The following VPS13A variants were observed in gnomAD, a reference collection of about 807,000 sequenced individuals.
VPS13A encodes intermembrane lipid transfer protein VPS13A.
VPS13A carries 264 observed loss-of-function variants against 390.9 expected under a neutral mutation model. The observed-to-expected ratio is 0.68, with a 90% confidence interval of 0.61 to 0.75. The LOEUF is 0.75. VPS13A is among the 30% of genes least tolerant of loss of function. The probability of loss-of-function intolerance (pLI) is 0.00; values close to 1 mark genes in which losing one functional copy is unlikely to be tolerated. For missense variants in VPS13A, 3,409 were observed against 3,733.9 expected (o/e 0.91, Z 2.27); for synonymous variants, 1,231 against 1,227.1 (o/e 1.00, Z -0.07).
intron 26 of VPS13A, among the ~76,000 whole-genome samples, chr9:77,276,770 G>A (rs910210097): frequency 3.3e-5 from 5 of 152,110 alleles, no homozygotes; most frequent in Admixed American, 6.5e-5. Context: ...TTTTTTGCAC[G>A]TAGCTGCTAA....
At chr9:77,324,234 CA>C (rs1350111094) in intron 45 of VPS13A, among the ~76,000 whole-genome samples, 1 of 151,736 alleles carries the variant, frequency 6.6e-6, no homozygotes, top group Non-Finnish European at 1.5e-5. Context: ...CAAATGAAGA[CA>C]TTTTTACTTT....
intron 13 of VPS13A, among the ~76,000 whole-genome samples, chr9:77,223,182 CTT>C (rs1442990457): frequency 6.6e-6 from 1 of 152,144 alleles, no homozygotes; most frequent in Non-Finnish European, 1.5e-5. Context: ...ACACAGCAAA[CTT>C]AATAAATGTT....
chr9:77,397,144 C>T (rs1834149619), intron 68 of VPS13A, among the ~76,000 whole-genome samples: 1 of 152,120 alleles, frequency 6.6e-6, no homozygotes, highest in Admixed American at 6.6e-5. Context: ...CTCCTGCCAC[C>T]ACAACCAGTT....
chr9:77,353,379 T>G (rs370955076), intron 53 of VPS13A, 30 bp from the exon 54 acceptor site: 9 of 1,291,840 alleles, frequency 7.0e-6, no homozygotes, highest in East Asian at 2.7e-5. Flanking sequence ...ATTTTTTGGT[T>G]TTTTTTTTTT....
At chr9:77,362,916 C>T (rs751292498) in intron 59 of VPS13A, among the ~76,000 whole-genome samples, 5 of 151,688 alleles carry the variant, frequency 3.3e-5, no homozygotes, top group Non-Finnish European at 5.9e-5. Flanking sequence ...TTGGATTGTT[C>T]ATTGCTACTG....
chr9:77,215,914 C>T (rs1822837067), intron 10 of VPS13A, among the ~76,000 whole-genome samples: 1 of 152,156 alleles, frequency 6.6e-6, no homozygotes, highest in African/African-American at 2.4e-5. Flanking sequence ...TAGCAAGGTG[C>T]TGGGGGAAGT....
At position 77,293,528 on chromosome 9, in the gene VPS13A, ATTAT is replaced by A. The variant is rs769582920; in HGVS notation, c.3507+27_3507+30del. On this transcript the variant is annotated intron_variant, in intron 32 of 71. Transcript: ENST00000360280. Reference sequence around the variant, plus strand: ...ATATTGGTAAGTATTTTATTAAATTATTATTTATTTTATACTAATTGGAAATTGC... The same window carrying A: ...ATATTGGTAAGTATTTTATTAAATTATTATTTTATACTAATTGGAAATTGC... 1 of 1,337,892 alleles carries A rather than the reference ATTAT, an allele frequency of 7.5e-7. No homozygotes were observed. The highest frequency in any genetic ancestry group is 1.5e-5 in the African/African-American group (1 of 66,256). The allele number at this position is 1,337,892 out of a possible 1,614,324, so 82.9% of individuals were successfully genotyped here.
intron 23 of VPS13A, among the ~76,000 whole-genome samples, chr9:77,260,783 T>TACA (rs1180115714): frequency 6.6e-6 from 1 of 152,216 alleles, no homozygotes; most frequent in African/African-American, 2.4e-5. Flanking sequence ...ATAACACTGT[T>TACA]AACTACTGCT....
At chr9:77,204,314 A>AATTCTC in intron 3 of VPS13A, among the ~76,000 whole-genome samples, 1 of 152,166 alleles carries the variant, frequency 6.6e-6, no homozygotes, top group Non-Finnish European at 1.5e-5. Context: ...AATATTCTCA[A>AATTCTC]GATACAAAAC....
chr9:77,199,472 G>GT (rs1825199999), intron 1 of VPS13A, among the ~76,000 whole-genome samples: 1 of 152,002 alleles, frequency 6.6e-6, no homozygotes, highest in Non-Finnish European at 1.5e-5. Context: ...TTGTCCTATA[G>GT]TTCTTAGACA....
intron 42 of VPS13A, 127 bp from the exon 43 acceptor site, chr9:77,321,042 G>A: frequency 1.2e-6 from 1 of 829,140 alleles, no homozygotes; most frequent in South Asian, 1.7e-5. Context: ...TTTCAATAAG[G>A]CAATAGAACT....
chr9:77,410,254 T>C (rs1460231840), intron 71 of VPS13A, among the ~76,000 whole-genome samples: 1 of 152,058 alleles, frequency 6.6e-6, no homozygotes, highest in Non-Finnish European at 1.5e-5. Flanking sequence ...CTGAGAGATT[T>C]TGTCACCACC....
chr9:77,295,686 G>T lies in VPS13A; in HGVS notation c.3652G>T (p.Val1218Leu), dbSNP rs758130773. The T allele has an allele frequency of 4.3e-6, 7 of 1,613,910 alleles. No homozygotes were observed. In the East Asian group the frequency reaches 1.3e-4, roughly 31 times the overall value. Residue 1218 changes from valine (V) to leucine (L), a missense_variant, in exon 33 of 72, where the codon GTG becomes TTG. This residue lies in a region of VPS13A where 2,717 missense variants were observed against 2,917.4 expected (regional missense o/e 0.93). Transcript: ENST00000360280. ...ALDINIKAPVVVIPQSPVSEN... is the reference protein window; with the variant it reads ...ALDINIKAPVLVIPQSPVSEN... ...GGATATTAACATCAAAGCCCCAGTT[G>T]TGGTCATCCCGCAGTCTCCAGTTTC... is the stretch of plus-strand genomic sequence containing the variant.
At chr9:77,379,013 A>C (rs951034827) in intron 67 of VPS13A, among the ~76,000 whole-genome samples, 2 of 126,418 alleles carry the variant, frequency 1.6e-5, no homozygotes, top group Non-Finnish European at 3.4e-5. Flanking sequence ...TTATTTACAC[A>C]TTTCTAGTTT....
Position 77,369,316 on chromosome 9 carries a change from T to G in VPS13A, c.8571T>G (p.Tyr2857Ter). The change falls in exon 63 of 72, where the codon TAT becomes TAG. Residue 2857 changes from tyrosine to a stop codon, truncating the protein, a stop_gained. Coordinates refer to ENST00000360280, the MANE Select transcript of VPS13A (RefSeq NM_033305.3). LOFTEE classifies it high-confidence loss of function. Reference sequence around the variant, plus strand: ...ATTTTTAGGCCATTAAGCAGATGTATGTACTCATTCTTGGACTTGATGTTT... The same window carrying G: ...ATTTTTAGGCCATTAAGCAGATGTAGGTACTCATTCTTGGACTTGATGTTT... ...HYSKQAIKQM[Y>*]VLILGLDVLG... 1.2e-6 allele frequency: 2 copies of G among 1,612,094 alleles called. No homozygotes were observed. The highest frequency in any genetic ancestry group is 1.7e-6 in the Non-Finnish European group (2 of 1,178,212).
chr9:77,226,264 T>C (rs536067056), intron 14 of VPS13A, among the ~76,000 whole-genome samples: 1 of 152,294 alleles, frequency 6.6e-6, no homozygotes, highest in South Asian at 2.1e-4. Flanking sequence ...TCATTTCTTA[T>C]AAGATGGTGG....
intron 68 of VPS13A, among the ~76,000 whole-genome samples, chr9:77,392,039 A>G (rs1316109504): frequency 6.6e-6 from 1 of 152,158 alleles, no homozygotes; most frequent in Non-Finnish European, 1.5e-5. Context: ...GGGGCATAAA[A>G]CACATGCCAC....
intron 20 of VPS13A, among the ~76,000 whole-genome samples, chr9:77,249,129 C>T (rs1825005771): frequency 6.6e-6 from 1 of 152,130 alleles, no homozygotes; most frequent in East Asian, 1.9e-4. Context: ...ATATCTATCA[C>T]AATTTAAAGA....
intron 17 of VPS13A, among the ~76,000 whole-genome samples, chr9:77,231,643 C>G (rs895260874): frequency 6.6e-6 from 1 of 151,866 alleles, no homozygotes; most frequent in African/African-American, 2.4e-5. Context: ...CTTTTGTATT[C>G]TGGATACTAA....
Sources: allele counts gnomAD v4.1 joint callset (sites outside exome capture counted in the v4.1 genomes callset), GRCh38; gene constraint gnomAD v4.1.1; regional missense constraint gnomAD v4.1.1; transcripts MANE v1.5; gene names NCBI Gene and HGNC (gene_info 2026-07-23, HGNC 2026-07-21).